GRID2: variants seen among roughly 807,000 people sequenced by gnomAD.
GRID2 encodes glutamate receptor ionotropic, delta-2.
A neutral mutation model predicts 114.8 loss-of-function variants in GRID2; 33 were observed. That is an observed-to-expected ratio of 0.29 (90% CI 0.22 to 0.38). The LOEUF is 0.38. Among genes scored for constraint, GRID2 ranks in the 10% least tolerant of loss-of-function variants. GRID2 has a pLI of 1.00. For missense variants in GRID2, 1,184 were observed against 1,257.7 expected (o/e 0.94, Z 0.89); for synonymous variants, 505 against 449.9 (o/e 1.12, Z -1.55).
At chr4:92,863,190 A>T (rs1050568366) in intron 2 of GRID2, among the ~76,000 whole-genome samples, 1 of 152,070 alleles carries the variant, frequency 6.6e-6, no homozygotes, top group African/African-American at 2.4e-5. Flanking sequence ...TTTACACTTA[A>T]CTTTGCCAAC....
At chr4:92,630,905 G>A (rs12503574) in intron 2 of GRID2, among the ~76,000 whole-genome samples, 4,280 of 151,832 alleles carry the variant, frequency 0.028, 87 homozygotes, top group Middle Eastern at 0.045. Context: ...TCTATGCATT[G>A]AAATTGTGAA....
intron 1 of GRID2, among the ~76,000 whole-genome samples, chr4:92,404,625 A>G (rs1005137265): frequency 6.6e-6 from 1 of 152,186 alleles, no homozygotes; most frequent in African/African-American, 2.4e-5. Context: ...AAAGAGAATC[A>G]ACCCAAATGC....
intron 1 of GRID2, among the ~76,000 whole-genome samples, chr4:92,419,342 A>G (rs1196712997): frequency 4.6e-5 from 7 of 152,146 alleles, no homozygotes; most frequent in Non-Finnish European, 1.0e-4. Context: ...TGCCTCTAGA[A>G]GTAATTGAAG....
In GRID2 at chr4:93,036,898, C is replaced by A. The variant is rs376719146; in HGVS notation, c.245-48097C>A. The stretch of plus-strand genomic sequence containing the variant: ...ATTCTTTTATCTAAACACTTGATAA[C>A]ATAGGATAAACATTAACCCTTCAAT... On this transcript the variant is annotated intron_variant, in intron 2 of 15. Transcript: ENST00000282020. Among the ~76,000 whole-genome samples the A allele has an allele frequency of 3.8e-4, 58 of 152,184 alleles. 2 individuals are homozygous for A. In the South Asian group the frequency reaches 0.012, roughly 30 times the overall value.
intron 14 of GRID2, among the ~76,000 whole-genome samples, chr4:93,651,211 A>G (rs1234122512): frequency 1.3e-5 from 2 of 152,200 alleles, no homozygotes; most frequent in East Asian, 3.9e-4. Flanking sequence ...TATCCCTCAC[A>G]GCAAACAACC....
In GRID2 at chr4:93,446,398, G is replaced by A. The variant is rs866718063; in HGVS notation, c.1546-9264G>A. Among the ~76,000 whole-genome samples the A allele has an allele frequency of 3.4e-4, 52 of 152,114 alleles. 1 individual carries two copies. Among genetic ancestry groups the A allele is most frequent in the African/African-American group, 1.2e-3 (49 of 41,534 alleles). On this transcript the variant is annotated intron_variant, in intron 10 of 15. Coordinates refer to ENST00000282020, the MANE Select transcript of GRID2 (RefSeq NM_001510.4). ...GAAGAGCTGAACAGTACATTGCAAAGGGGCAGGAATACCAGAATAGGAAGA... is the reference window on the plus strand; with the variant it reads ...GAAGAGCTGAACAGTACATTGCAAAAGGGCAGGAATACCAGAATAGGAAGA...
At chr4:93,436,709 A>G (rs1400965263) in intron 10 of GRID2, among the ~76,000 whole-genome samples, 1 of 152,188 alleles carries the variant, frequency 6.6e-6, no homozygotes, top group Non-Finnish European at 1.5e-5. Flanking sequence ...ACAAAATGCT[A>G]GAAAATATTT....
intron 4 of GRID2, among the ~76,000 whole-genome samples, chr4:93,128,642 G>A (rs1292474854): frequency 6.6e-6 from 1 of 152,118 alleles, no homozygotes; most frequent in Non-Finnish European, 1.5e-5. Context: ...TCCTAATCAG[G>A]GCTAAGAAGA....
chr4:92,638,299 A>G (rs1731173919), intron 2 of GRID2, among the ~76,000 whole-genome samples: 1 of 151,638 alleles, frequency 6.6e-6, no homozygotes. Context: ...CTCTGTAACC[A>G]GAAACCCAGC....
At chr4:93,189,009 TCTC>T (rs1239274790) in intron 4 of GRID2, among the ~76,000 whole-genome samples, 1 of 152,170 alleles carries the variant, frequency 6.6e-6, no homozygotes, top group Non-Finnish European at 1.5e-5. Flanking sequence ...TCCCTACAGT[TCTC>T]TTCTTCAGAG....
intron 4 of GRID2, among the ~76,000 whole-genome samples, chr4:93,173,306 C>T (rs1739028121): frequency 6.6e-6 from 1 of 151,856 alleles, no homozygotes; most frequent in Admixed American, 6.6e-5. Context: ...TTTTTAAGAA[C>T]TGAGAATTTG....
intron 1 of GRID2, among the ~76,000 whole-genome samples, chr4:92,486,586 C>CACACACACAA (rs1222893790): frequency 6.9e-5 from 10 of 145,690 alleles, no homozygotes; most frequent in African/African-American, 2.6e-4. Context: ...CACACACACA[C>CACACACACAA]ACACAAACAC....
chr4:92,539,134 G>C (rs546397889), intron 1 of GRID2, among the ~76,000 whole-genome samples: 5 of 151,904 alleles, frequency 3.3e-5, no homozygotes, highest in African/African-American at 1.2e-4. Context: ...GTGTTCCAAA[G>C]CAGGGGACTA....
intron 2 of GRID2, among the ~76,000 whole-genome samples, chr4:92,989,482 G>A (rs546490051): frequency 1.1e-4 from 16 of 151,394 alleles, no homozygotes; most frequent in Non-Finnish European, 2.1e-4. Flanking sequence ...TCACCGAGAT[G>A]GCTTATCATA....
intron 9 of GRID2, among the ~76,000 whole-genome samples, chr4:93,420,479 T>C (rs563700942): frequency 1.8e-4 from 28 of 152,246 alleles, no homozygotes; most frequent in Admixed American, 3.9e-4. Context: ...TTTAAATATA[T>C]GAATATTTGG....
At chr4:92,662,473 T>A (rs1378189017) in intron 2 of GRID2, among the ~76,000 whole-genome samples, 1 of 150,962 alleles carries the variant, frequency 6.6e-6, no homozygotes, top group Non-Finnish European at 1.5e-5. Flanking sequence ...AATTGTTCAA[T>A]AAAAATGGAT....
chr4:93,079,952 G>T (rs1729708214), intron 2 of GRID2, among the ~76,000 whole-genome samples: 1 of 152,044 alleles, frequency 6.6e-6, no homozygotes, highest in Non-Finnish European at 1.5e-5. Context: ...CACTTCCTAA[G>T]TAGATAATTA....
At chr4:93,735,486 C>A (rs1730849666) in intron 14 of GRID2, among the ~76,000 whole-genome samples, 1 of 151,958 alleles carries the variant, frequency 6.6e-6, no homozygotes, top group African/African-American at 2.4e-5. Flanking sequence ...TAAGTTCTTT[C>A]ATTTTCTATC....
chr4:92,504,055 G>C (rs1403596039), intron 1 of GRID2, among the ~76,000 whole-genome samples: 1 of 152,042 alleles, frequency 6.6e-6, no homozygotes, highest in Non-Finnish European at 1.5e-5. Context: ...TGTCAACTAC[G>C]TAAAGCAGAC....
Sources: gnomAD v4.1 joint callset for allele counts (sites outside exome capture counted in the v4.1 genomes callset) on GRCh38, gnomAD v4.1.1 for gene constraint, MANE v1.5 for transcripts, NCBI Gene and HGNC (gene_info 2026-07-23, HGNC 2026-07-21) for gene names.